Variants in CNTNAP2 observed in about 807,000 individuals in gnomAD.
CNTNAP2 encodes the protein contactin-associated protein-like 2.
A neutral mutation model predicts 155.2 loss-of-function variants in CNTNAP2; 98 were observed. The ratio of observed to expected loss-of-function variants is 0.63; its 90% CI spans 0.54 to 0.75. The LOEUF (loss-of-function observed/expected upper bound fraction) is 0.75, where lower values mean the gene tolerates loss of function less well. Ranked by LOEUF, CNTNAP2 falls within the 30% of genes least tolerant of loss-of-function variation. The pLI is 0.00. For missense variants in CNTNAP2, 1,727 were observed against 1,688.1 expected (o/e 1.02, Z -0.40); for synonymous variants, 651 against 631.2 (o/e 1.03, Z -0.47).
intron 2 of CNTNAP2, among the ~76,000 whole-genome samples, chr7:146,812,692 A>T (rs191090890): frequency 5.3e-4 from 81 of 152,278 alleles, no homozygotes; most frequent in Non-Finnish European, 9.3e-4. Flanking sequence ...AGAAATTTGC[A>T]TAAGTAACAT....
chr7:148,355,298 C>A (rs1798495060), intron 21 of CNTNAP2, among the ~76,000 whole-genome samples: 1 of 150,324 alleles, frequency 6.7e-6, no homozygotes, highest in African/African-American at 2.4e-5. Context: ...TCTCCTGCCT[C>A]AGCCTCCGGA....
chr7:147,454,059 G>T (rs1035764238), intron 10 of CNTNAP2, among the ~76,000 whole-genome samples: 1 of 152,106 alleles, frequency 6.6e-6, no homozygotes, highest in Non-Finnish European at 1.5e-5. Flanking sequence ...ATTTGTTTTA[G>T]ACATAGAGTT....
intron 21 of CNTNAP2, among the ~76,000 whole-genome samples, chr7:148,332,089 C>A: frequency 6.6e-6 from 1 of 150,908 alleles, no homozygotes. Context: ...TTGTCAAATC[C>A]AGGGCCTTTA....
At chr7:146,393,229 C>T (rs1795570539) in intron 1 of CNTNAP2, among the ~76,000 whole-genome samples, 1 of 152,068 alleles carries the variant, frequency 6.6e-6, no homozygotes, top group Non-Finnish European at 1.5e-5. Flanking sequence ...AAGTGTTTTT[C>T]CAGTGACAAA....
chr7:147,144,461 G>A (rs750439280), intron 8 of CNTNAP2, among the ~76,000 whole-genome samples: 5 of 152,044 alleles, frequency 3.3e-5, no homozygotes, highest in South Asian at 2.1e-4. Flanking sequence ...CTTTTACCAC[G>A]TATTCTTTAT....
chr7:148,174,933 G>T (rs1794906161), intron 18 of CNTNAP2, among the ~76,000 whole-genome samples: 2 of 151,946 alleles, frequency 1.3e-5, no homozygotes, highest in Non-Finnish European at 2.9e-5. Context: ...ACAGACCCCT[G>T]TGTGTGATGT....
At chr7:147,012,241 G>C (rs111421865) in intron 3 of CNTNAP2, among the ~76,000 whole-genome samples, 1 of 152,098 alleles carries the variant, frequency 6.6e-6, no homozygotes, top group Non-Finnish European at 1.5e-5. Context: ...TTGTGCATTA[G>C]ATAGTAGTAA....
intron 15 of CNTNAP2, among the ~76,000 whole-genome samples, chr7:148,026,426 G>A (rs919657505): frequency 6.6e-6 from 1 of 152,034 alleles, no homozygotes; most frequent in African/African-American, 2.4e-5. Context: ...CTTTCAGCCT[G>A]GGTGACAGAA....
At chr7:147,531,505 A>G (rs1222282068) in intron 11 of CNTNAP2, among the ~76,000 whole-genome samples, 2 of 152,138 alleles carry the variant, frequency 1.3e-5, no homozygotes, top group Non-Finnish European at 2.9e-5. Flanking sequence ...TAGGGCTTAC[A>G]CCCTCTGAAA....
At chr7:146,443,411 C>T (rs1242020145) in intron 1 of CNTNAP2, among the ~76,000 whole-genome samples, 1 of 152,038 alleles carries the variant, frequency 6.6e-6, no homozygotes, top group Non-Finnish European at 1.5e-5. Flanking sequence ...GCTCTTTCCA[C>T]CCCTTTCATT....
chr7:147,133,145 T>A (rs1297544269), intron 8 of CNTNAP2, among the ~76,000 whole-genome samples: 1 of 152,124 alleles, frequency 6.6e-6, no homozygotes, highest in African/African-American at 2.4e-5. Context: ...GTTATTTGAA[T>A]AGACTTCGCA....
At chr7:148,176,915 C>T (rs1794948225) in intron 18 of CNTNAP2, among the ~76,000 whole-genome samples, 1 of 152,120 alleles carries the variant, frequency 6.6e-6, no homozygotes, top group African/African-American at 2.4e-5. Flanking sequence ...TTGGTCATGC[C>T]AAAGATAGTT....
intron 13 of CNTNAP2, among the ~76,000 whole-genome samples, chr7:147,835,391 A>G (rs1798617769): frequency 6.6e-6 from 1 of 152,144 alleles, no homozygotes; most frequent in East Asian, 1.9e-4. Context: ...TGAGGCTTGC[A>G]GGAGTTAAGT....
intron 3 of CNTNAP2, among the ~76,000 whole-genome samples, chr7:146,866,217 C>G (rs1000213222): frequency 6.6e-6 from 1 of 151,886 alleles, no homozygotes; most frequent in Non-Finnish European, 1.5e-5. Flanking sequence ...TACACATGCA[C>G]GGAAAGTCCA....
chr7:146,258,338 G>A (rs1799870326), intron 1 of CNTNAP2, among the ~76,000 whole-genome samples: 1 of 151,998 alleles, frequency 6.6e-6, no homozygotes, highest in African/African-American at 2.4e-5. Context: ...AAGCCTCACA[G>A]CACATATTAT....
At chr7:147,682,677 G>A (rs1038018907) in intron 13 of CNTNAP2, among the ~76,000 whole-genome samples, 1 of 151,550 alleles carries the variant, frequency 6.6e-6, no homozygotes, top group Non-Finnish European at 1.5e-5. Flanking sequence ...CCAAGCACAC[G>A]TTTCTGGAAT....
At chr7:146,378,876 C>A (rs1327130355) in intron 1 of CNTNAP2, among the ~76,000 whole-genome samples, 1 of 152,154 alleles carries the variant, frequency 6.6e-6, no homozygotes, top group Non-Finnish European at 1.5e-5. Context: ...TTTTAGGTCC[C>A]AAAGCTATCA....
Position 148,097,409 on chromosome 7 carries a change from G to A in CNTNAP2, c.2384-20709G>A, listed in dbSNP as rs141540293. Among the ~76,000 whole-genome samples the A allele has an allele frequency of 4.2e-3, 590 of 139,754 alleles. 5 individuals carry two copies. The highest frequency in any genetic ancestry group is 0.015 in the African/African-American group (570 of 37,216). The allele number at this position is 139,754 out of a possible 152,430, so 91.7% of individuals were successfully genotyped here. ...ATAAAAAAATTAAATAGTTTGACAA[G>A]ATAAATCAGGGACTTTGGAATAAAG... On this transcript the variant is annotated intron_variant, in intron 15 of 23. Transcript: ENST00000361727.
chr7:147,503,964 G>C (rs916995847), intron 11 of CNTNAP2, among the ~76,000 whole-genome samples: 22 of 152,182 alleles, frequency 1.4e-4, no homozygotes, highest in Admixed American at 1.3e-4. Context: ...CTTCAAAATT[G>C]CATGTAAGGA....
Sources: allele counts gnomAD v4.1 joint callset (sites outside exome capture counted in the v4.1 genomes callset), GRCh38; gene constraint gnomAD v4.1.1; transcripts MANE v1.5; gene names NCBI Gene and HGNC (gene_info 2026-07-23, HGNC 2026-07-21).